Variants in SLC34A3 observed in about 807,000 individuals in gnomAD.
SLC34A3 encodes the protein solute carrier family 34 member 3.
A neutral mutation model predicts 43.9 loss-of-function variants in SLC34A3; 60 were observed. The observed-to-expected ratio is 1.37, with a 90% CI of 1.11 to 1.70. The LOEUF is 1.70. SLC34A3 is among the 40% of genes most tolerant of loss of function. The pLI, the probability that SLC34A3 is intolerant of heterozygous loss-of-function variation, is 0.00. For missense variants in SLC34A3, 969 were observed against 823.8 expected (o/e 1.18, Z -2.16); for synonymous variants, 451 against 386.2 (o/e 1.17, Z -1.97).
At position 137,232,284 on chromosome 9, in the gene SLC34A3, C is replaced by T. The variant is rs111532084; in HGVS notation, c.175+123C>T. The T allele has an allele frequency of 0.028, 27,856 of 989,004 alleles. 523 individuals carry two copies. Among genetic ancestry groups the T allele is most frequent in the Non-Finnish European group, 0.034 (21,951 of 643,392 alleles). 61.3% of individuals were successfully genotyped at this position (989,004 alleles called of 1,614,324 possible). Reference sequence around the variant, plus strand: ...GTGTGGGGAACTCCGCCATGCAGGCCCCCTCTGGGGAGACACGTGTCCCTC... The same window carrying T: ...GTGTGGGGAACTCCGCCATGCAGGCTCCCTCTGGGGAGACACGTGTCCCTC... On this transcript the variant is annotated intron_variant, in intron 3 of 12. Coordinates refer to ENST00000673835, the MANE Select transcript of SLC34A3 (RefSeq NM_001177316.2).
intron 3 of SLC34A3, 125 bp from the exon 4 acceptor site, chr9:137,232,450 A>G (rs1377803931): frequency 7.3e-7 from 1 of 1,370,650 alleles, no homozygotes; most frequent in Admixed American, 1.9e-5. Flanking sequence ...GGGTTACGGA[A>G]GAGGAGGAAA....
Position 137,232,937 on chromosome 9 carries a change from C to T in SLC34A3, c.448+10C>T. 6.2e-7 allele frequency: 1 copy of T among 1,605,772 alleles called. No individual in the cohort carries two copies. On this transcript the variant is annotated intron_variant, in intron 5 of 12. Coordinates refer to ENST00000673835, the MANE Select transcript of SLC34A3 (RefSeq NM_001177316.2). ...ATGGTGGCTGCTAAGCGTGGGTGCACACTCCCTCCCCGGGTGGTGGGGGGG... is the reference window on the plus strand; with the variant it reads ...ATGGTGGCTGCTAAGCGTGGGTGCATACTCCCTCCCCGGGTGGTGGGGGGG...
At position 137,234,612 on chromosome 9, in the gene SLC34A3, G is replaced by A. The variant is rs762391265; in HGVS notation, c.1216G>A (p.Gly406Arg). 3.0e-5 allele frequency: 48 copies of A among 1,612,240 alleles called. No individual in the cohort carries two copies. The South Asian group carries it at 3.1e-4, about 10-fold the overall frequency. The stretch of plus-strand genomic sequence containing the variant: ...GTGACTCCCAGTTCCCCCAGGGGTC[G>A]GGGTGATCAGTCTGGACCGGGCGTA... ...TAAVVPLMGV[G>R]VISLDRAYPL... Residue 406 changes from glycine (G) to arginine (R), a missense_variant, in exon 12 of 13, where the codon GGG becomes AGG. Transcript: ENST00000673835. The surrounding 1 kb of genome is among the most constrained non-coding windows in gnomAD (Gnocchi z 6.9).
chr9:137,232,890 G>C lies in SLC34A3; in HGVS notation c.411G>C (p.Thr137=). 1 of 1,610,566 alleles carries C rather than the reference G, an allele frequency of 6.2e-7. No individual in the cohort carries two copies. The highest frequency in any genetic ancestry group is 1.1e-5 in the South Asian group (1 of 90,684). ...CAGCCCTGGTGCAGAGTTCCAGCACGTCCTCCTCCATCGTGGTCAGCATGG... is the reference window on the plus strand; with the variant it reads ...CAGCCCTGGTGCAGAGTTCCAGCACCTCCTCCTCCATCGTGGTCAGCATGG... The part of the protein sequence containing the change: ...LVTALVQSSS[T]SSSIVVSMVA... The change falls in exon 5 of 13, where the codon ACG becomes ACC. Residue 137 remains threonine (T), a synonymous_variant. Coordinates refer to ENST00000673835, the MANE Select transcript of SLC34A3 (RefSeq NM_001177316.2).
rs1452982715 is a variant in SLC34A3, at chr9:137,235,980, T to C, written c.1364T>C (p.Leu455Pro). 1 of 1,612,332 alleles carries C rather than the reference T, an allele frequency of 6.2e-7. No individual in the cohort carries two copies. The highest frequency in any genetic ancestry group is 2.2e-5 in the East Asian group (1 of 44,890). The change falls in exon 13 of 13, where the codon CTG becomes CCG. Residue 455 changes from leucine (L) to proline (P), a missense_variant. Physicochemically the swap from Leu to Pro is moderately conservative, Grantham distance 98. Transcript: ENST00000673835. ...GCCCTCATCCACTTCTTCTTCAACC[T>C]GGCCGGCATCCTGCTGTGGTACCTG... ...QVALIHFFFN[L>P]AGILLWYLVP...
At position 137,232,121 on chromosome 9, in the gene SLC34A3, G is replaced by A. The variant is rs764856747; in HGVS notation, c.135G>A (p.Trp45Ter). 8.7e-6 allele frequency: 14 copies of A among 1,613,200 alleles called. No homozygotes were observed. The South Asian group carries it at 1.4e-4, about 16-fold the overall frequency. Residue 45 changes from tryptophan to a stop codon, truncating the protein, a stop_gained, in exon 3 of 13, where the codon TGG (tryptophan) becomes TGA (stop). Transcript: ENST00000673835. LOFTEE classifies it high-confidence loss of function. ...PVLEEGDTDP[W>*]TLPQLKDTSQ... ...TGGAGGAAGGGGACACAGACCCCTGGACCCTCCCTCAGCTGAAGGACACAA... is the reference window on the plus strand; with the variant it reads ...TGGAGGAAGGGGACACAGACCCCTGAACCCTCCCTCAGCTGAAGGACACAA...
Position 137,232,630 on chromosome 9 carries a change from C to G in SLC34A3, c.231C>G (p.Cys77Trp). 1 of 1,612,642 alleles carries G rather than the reference C, an allele frequency of 6.2e-7. No homozygotes were observed. Among genetic ancestry groups the G allele is most frequent in the South Asian group, 1.1e-5 (1 of 91,086 alleles). ...TGGCCGGCAGCGTCCTCAAGGCCTGCGGGCTCCTCGGCAGCCTGTACTTCT... is the reference window on the plus strand; with the variant it reads ...TGGCCGGCAGCGTCCTCAAGGCCTGGGGGCTCCTCGGCAGCCTGTACTTCT... ...RRVAGSVLKA[C>W]GLLGSLYFFI... Residue 77 changes from cysteine to tryptophan, a missense_variant, in exon 4 of 13, where the codon TGC becomes TGG. By Grantham distance (215) the Cys-to-Trp change is radical. Coordinates refer to ENST00000673835, the MANE Select transcript of SLC34A3 (RefSeq NM_001177316.2).
Position 137,234,025 on chromosome 9 carries a change from C to A in SLC34A3, c.925+84C>A. On this transcript the variant is annotated intron_variant, in intron 9 of 12. Transcript: ENST00000673835. This position sits in a 1 kb window ranked among gnomAD's most constrained non-coding sequence, Gnocchi z 6.9. ...TACATGGAGAGGAACAGCACAGCCCCGGCGGACAGGCTGCCCTGTGAGGCC... is the reference window on the plus strand; with the variant it reads ...TACATGGAGAGGAACAGCACAGCCCAGGCGGACAGGCTGCCCTGTGAGGCC... 1.3e-6 allele frequency: 2 copies of A among 1,516,364 alleles called. No individual in the cohort carries two copies. Among genetic ancestry groups the A allele is most frequent in the Non-Finnish European group, 1.8e-6 (2 of 1,129,152 alleles). 93.9% of individuals were successfully genotyped at this position (1,516,364 alleles called of 1,614,324 possible). A position where few individuals can be genotyped will look rare whatever the true frequency, so the allele number is the denominator to read the frequency against.
chr9:137,233,686 T>C lies in SLC34A3; in HGVS notation c.810T>C (p.Ser270=), dbSNP rs1240459764. ...SSATGNATNS[S]LIKHWCGTTG... ...CCACAGGCAACGCCACTAACAGCAG[T>C]CTCATTAAGCACTGGTGCGGCACCA... Residue 270 remains serine (S), a synonymous_variant, in exon 8 of 13, where the codon AGT becomes AGC. Transcript: ENST00000673835. The C allele has an allele frequency of 6.2e-7, 1 of 1,612,390 alleles. No individual in the cohort carries two copies. Among genetic ancestry groups the C allele is most frequent in the African/African-American group, 1.3e-5 (1 of 74,802 alleles).
In SLC34A3 at chr9:137,236,464, TCTGGAGGGCC is replaced by T. The variant is rs1047361671; in HGVS notation, c.*57_*66del. The T allele has an allele frequency of 2.0e-5, 29 of 1,472,326 alleles. No homozygotes were observed. The highest frequency in any genetic ancestry group is 3.7e-4 in the Middle Eastern group (2 of 5,460). The allele number at this position is 1,472,326 out of a possible 1,614,324, so 91.2% of individuals were successfully genotyped here. On this transcript the variant is annotated 3_prime_UTR_variant, in exon 13 of 13. Coordinates refer to ENST00000673835, the MANE Select transcript of SLC34A3 (RefSeq NM_001177316.2). ...CCCCACCCTCCCCGGCTGGGAGGGC[TCTGGAGGGCC>T]CTGGAGGGGGGGTCCCCGCGGCAGC...
chr9:137,229,955 C>T (rs144036027), upstream of SLC34A3, among the ~76,000 whole-genome samples: 1 of 152,200 alleles, frequency 6.6e-6, no homozygotes, highest in Non-Finnish European at 1.5e-5. Context: ...AGGACTGCTG[C>T]CCCCCACCCC....
rs1836384577 is a variant in SLC34A3, at chr9:137,233,674, C to T, written c.798C>T (p.Ala266=). The T allele has an allele frequency of 6.2e-7, 1 of 1,612,672 alleles. No homozygotes were observed. Among genetic ancestry groups the T allele is most frequent in the African/African-American group, 1.3e-5 (1 of 74,888 alleles). Residue 266 remains alanine, a synonymous_variant, in exon 8 of 13, where the codon GCC becomes GCT. Transcript: ENST00000673835. ...TCATGAGCAGTGCCACAGGCAACGCCACTAACAGCAGTCTCATTAAGCACT... is the reference window on the plus strand; with the variant it reads ...TCATGAGCAGTGCCACAGGCAACGCTACTAACAGCAGTCTCATTAAGCACT... ...DMIMSSATGN[A]TNSSLIKHWC...
At chr9:137,233,584 A>G in intron 7 of SLC34A3, 49 bp from the exon 8 acceptor site, 7 of 1,589,670 alleles carry the variant, frequency 4.4e-6, no homozygotes, top group Non-Finnish European at 6.0e-6. Flanking sequence ...GCCCCGGGTG[A>G]GTCCTGAGAG....
In SLC34A3 at chr9:137,232,562, C is replaced by T; in HGVS notation, c.176-13C>T. On this transcript the variant is annotated splice_polypyrimidine_tract_variant and intron_variant, in intron 3 of 12. Coordinates refer to ENST00000673835, the MANE Select transcript of SLC34A3 (RefSeq NM_001177316.2). The stretch of plus-strand genomic sequence containing the variant: ...GGAGGGCCAGCCAGGGACAGCCTGC[C>T]CTGTGTCCTCAGAGCTCCGCGTGGC... The T allele has an allele frequency of 6.2e-7, 1 of 1,611,604 alleles. No homozygotes were observed. Among genetic ancestry groups the T allele is most frequent in the East Asian group, 2.2e-5 (1 of 44,862 alleles).
At chr9:137,233,779 T>TGGGGCCCCCCCCCCCCCCCCCCCCCCCC in intron 8 of SLC34A3, 57 bp downstream of exon 8, 1 of 1,445,814 alleles carries the variant, frequency 6.9e-7, no homozygotes, top group Non-Finnish European at 9.6e-7. Context: ...TGCTGAGTCA[T>TGGGGCCCCCCCCCCCCCCCCCCCCCCCC]CCCGCCCCAC....
rs1197094284 is a variant in SLC34A3, at chr9:137,234,413, C to T, written c.1094-3C>T. On this transcript the variant is annotated splice_polypyrimidine_tract_variant and splice_region_variant and intron_variant, in intron 10 of 12. Transcript: ENST00000673835. The surrounding 1 kb of genome is among the most constrained non-coding windows in gnomAD (Gnocchi z 6.9). ...GCCAGGGCTGACCCGGCATCCCCCA[C>T]AGACTTCCCCTTCCCGCTGGGCTGG... 1 of 1,597,582 alleles carries T rather than the reference C, an allele frequency of 6.3e-7. No individual in the cohort carries two copies.
At chr9:137,233,779 T>TGGCCCCCC in intron 8 of SLC34A3, 57 bp downstream of exon 8, 2 of 1,445,820 alleles carry the variant, frequency 1.4e-6, no homozygotes, top group Non-Finnish European at 1.9e-6. Flanking sequence ...TGCTGAGTCA[T>TGGCCCCCC]CCCGCCCCAC....
At position 137,234,455 on chromosome 9, in the gene SLC34A3, C is replaced by A. The variant is rs1194910561; in HGVS notation, c.1133C>A (p.Ala378Asp). ...CTGGGCTGGCTCGGCGGCTACCTGG[C>A]CGTCCTCGCGGGCGCCGGCCTGACC... ...FPLGWLGGYL[A>D]VLAGAGLTFA... Residue 378 changes from alanine (A) to aspartate (D), a missense_variant, in exon 11 of 13, where the codon GCC becomes GAC. Coordinates refer to ENST00000673835, the MANE Select transcript of SLC34A3 (RefSeq NM_001177316.2). This position sits in a 1 kb window ranked among gnomAD's most constrained non-coding sequence, Gnocchi z 6.9. 1 of 1,599,398 alleles carries A rather than the reference C, an allele frequency of 6.3e-7. No individual in the cohort carries two copies. Among genetic ancestry groups the A allele is most frequent in the East Asian group, 2.2e-5 (1 of 44,852 alleles).
Position 137,234,348 on chromosome 9 carries a change from G to A in SLC34A3, c.1094-68G>A. The A allele has an allele frequency of 1.2e-6, 2 of 1,600,574 alleles. No individual in the cohort carries two copies. The highest frequency in any genetic ancestry group is 1.1e-5 in the South Asian group (1 of 90,840). On this transcript the variant is annotated intron_variant, in intron 10 of 12. Transcript: ENST00000673835. The surrounding 1 kb of genome is among the most constrained non-coding windows in gnomAD (Gnocchi z 6.9). Reference sequence around the variant, plus strand: ...CCCCATAGACTTCCCCTTCCCACCAGGCTGACTCGGGGGCTACCTGGCCCT... The same window carrying A: ...CCCCATAGACTTCCCCTTCCCACCAAGCTGACTCGGGGGCTACCTGGCCCT...
Sources: gnomAD v4.1 joint callset for allele counts (sites outside exome capture counted in the v4.1 genomes callset) on GRCh38, gnomAD v4.1.1 for gene constraint, Gnocchi (gnomAD v3.1) non-coding constraint, MANE v1.5 for transcripts, NCBI Gene and HGNC (gene_info 2026-07-23, HGNC 2026-07-21) for gene names.